Variants in DDC observed in about 807,000 individuals in gnomAD.
DDC encodes the protein dopa decarboxylase.
Under a neutral mutation model 60.0 loss-of-function variants are expected in DDC, and 43 were observed. That is an observed-to-expected ratio of 0.72 (90% CI 0.56 to 0.92). The LOEUF (loss-of-function observed/expected upper bound fraction) is 0.92. DDC is among the 40% of genes least tolerant of loss of function. The pLI is 0.00. For synonymous variants in DDC, 232 were observed against 234.6 expected (o/e 0.99, Z 0.10); for missense variants, 573 against 620.2 (o/e 0.92, Z 0.81).
At chr7:50,485,176 C>T (rs1298836631) in intron 9 of DDC, among the ~76,000 whole-genome samples, 1 of 152,054 alleles carries the variant, frequency 6.6e-6, no homozygotes, top group Non-Finnish European at 1.5e-5. Flanking sequence ...ATAATATATG[C>T]CTTTCGTGTG....
chr7:50,527,145 T>G (rs528004855), intron 6 of DDC, among the ~76,000 whole-genome samples: 1 of 152,346 alleles, frequency 6.6e-6, no homozygotes, highest in African/African-American at 2.4e-5. Context: ...TTTCGCATGT[T>G]TTCCCACTGG....
chr7:50,530,862 A>G (rs1227325412), intron 4 of DDC, among the ~76,000 whole-genome samples: 1 of 152,216 alleles, frequency 6.6e-6, no homozygotes, highest in Non-Finnish European at 1.5e-5. Context: ...AAAATAATTA[A>G]GTAGAAATGC....
rs11575454 is a variant in DDC, at chr7:50,480,115, G to C, written c.945-252C>G. 0.01 allele frequency among the ~76,000 whole-genome samples: 1,545 copies of C among 152,274 alleles called. 11 individuals are homozygous for C. Among genetic ancestry groups the C allele is most frequent in the Non-Finnish European group, 0.017 (1,165 of 68,014 alleles). Reference sequence around the variant, plus strand: ...ACCCTTGAGATCTCCTAGTGATAAGGGTTCATTTTGCATGTTAATAAGATA... The same window carrying C: ...ACCCTTGAGATCTCCTAGTGATAAGCGTTCATTTTGCATGTTAATAAGATA... On this transcript the variant is annotated intron_variant, in intron 9 of 14. Transcript: ENST00000444124.
intron 6 of DDC, among the ~76,000 whole-genome samples, chr7:50,519,219 C>T (rs965060469): frequency 1.3e-5 from 2 of 152,112 alleles, no homozygotes; most frequent in Non-Finnish European, 2.9e-5. Flanking sequence ...CAAGAATAGC[C>T]ATAATCAAAA....
At chr7:50,483,964 ATGT>A (rs1333937146) in intron 9 of DDC, among the ~76,000 whole-genome samples, 1 of 151,774 alleles carries the variant, frequency 6.6e-6, no homozygotes, top group Admixed American at 6.6e-5. Context: ...TACTATTGAC[ATGT>A]TGTATTAACA....
chr7:50,494,609 G>A (rs559583176), intron 9 of DDC, among the ~76,000 whole-genome samples: 2 of 151,632 alleles, frequency 1.3e-5, no homozygotes, highest in Non-Finnish European at 2.9e-5. Flanking sequence ...AAAAAGAGAG[G>A]AAGAAAAGAA....
intron 14 of DDC, chr7:50,459,758 C>T (rs369061112): frequency 0.058 from 9,144 of 158,252 alleles, 299 homozygotes; most frequent in East Asian, 0.12. Flanking sequence ...CGTCTCTGCC[C>T]GGCAGCCACC....
intron 4 of DDC, among the ~76,000 whole-genome samples, chr7:50,532,097 G>A (rs2044234357): frequency 6.6e-6 from 1 of 152,190 alleles, no homozygotes; most frequent in Non-Finnish European, 1.5e-5. Flanking sequence ...CTGCGCTGAC[G>A]CCCACAGCTG....
At chr7:50,512,661 G>A (rs2043612932) in intron 6 of DDC, among the ~76,000 whole-genome samples, 1 of 152,162 alleles carries the variant, frequency 6.6e-6, no homozygotes, top group African/African-American at 2.4e-5. Flanking sequence ...ATTGTTGATT[G>A]TTGATTACTG....
At chr7:50,476,715 C>A (rs770101908) in intron 10 of DDC, 72 bp from the exon 11 acceptor site, 75 of 1,401,858 alleles carry the variant, frequency 5.4e-5, no homozygotes, top group African/African-American at 7.1e-5. Flanking sequence ...TAATCCTTTT[C>A]ATTTTCCAGG....
chr7:50,518,310 A>G (rs2153543402), intron 6 of DDC, among the ~76,000 whole-genome samples: 1 of 152,236 alleles, frequency 6.6e-6, no homozygotes, highest in East Asian at 1.9e-4. Context: ...TGACCATACT[A>G]CCAAAAGCAA....
intron 14 of DDC, among the ~76,000 whole-genome samples, chr7:50,462,998 G>A (rs540926970): frequency 6.6e-5 from 10 of 152,268 alleles, no homozygotes; most frequent in Non-Finnish European, 5.9e-5. Flanking sequence ...TCAATCTCTT[G>A]ACCTCATGAT....
rs868305699 is a variant in DDC at position 50,460,331 on chromosome 7, C to T, written c.*19-1488G>A. 6.7e-3 allele frequency among the ~76,000 whole-genome samples: 951 copies of T among 141,592 alleles called. 2 individuals carry two copies. Among genetic ancestry groups the T allele is most frequent in the East Asian group, 0.013 (61 of 4,570 alleles). The allele number at this position is 141,592 out of a possible 152,430, so 92.9% of individuals were successfully genotyped here. A position where few individuals can be genotyped will look rare whatever the true frequency, so the allele number is the denominator to read the frequency against. Reference sequence around the variant, plus strand: ...CTGGGAAGTGAGGAGCCCCTCTGCCCGGCCAGCCGCCCCGTCCAGGAAGGA... The same window carrying T: ...CTGGGAAGTGAGGAGCCCCTCTGCCTGGCCAGCCGCCCCGTCCAGGAAGGA... On this transcript the variant is annotated intron_variant, in intron 14 of 14. Coordinates refer to ENST00000444124, the MANE Select transcript of DDC (RefSeq NM_001082971.2).
intron 7 of DDC, among the ~76,000 whole-genome samples, chr7:50,499,744 A>T (rs2043206776): frequency 6.6e-6 from 1 of 152,124 alleles, no homozygotes; most frequent in Non-Finnish European, 1.5e-5. Context: ...ATCTTAGACC[A>T]TCCCCTGCTT....
chr7:50,542,838 G>A (rs3807556), intron 2 of DDC: 29,829 of 152,210 alleles, frequency 0.2, 3,191 homozygotes, highest in East Asian at 0.4. Context: ...TGAGAGAGGC[G>A]CTCAGCTACT....
At chr7:50,512,652 T>C (rs2043612577) in intron 6 of DDC, among the ~76,000 whole-genome samples, 2 of 152,160 alleles carry the variant, frequency 1.3e-5, no homozygotes, top group Admixed American at 1.3e-4. Flanking sequence ...TGCACTTTGA[T>C]TGTTGATTGT....
chr7:50,510,379 T>C (rs956168632), intron 6 of DDC, among the ~76,000 whole-genome samples: 1 of 152,000 alleles, frequency 6.6e-6, no homozygotes, highest in Non-Finnish European at 1.5e-5. Context: ...CAAGAAAGAA[T>C]GTAAGTAGGC....
intron 1 of DDC, among the ~76,000 whole-genome samples, chr7:50,562,964 C>A (rs972923780): frequency 1.3e-5 from 2 of 152,070 alleles, no homozygotes; most frequent in Admixed American, 6.6e-5. Context: ...GTCAGGAGTT[C>A]GAGACCACCC....
chr7:50,525,534 C>G (rs2044014036), intron 6 of DDC, among the ~76,000 whole-genome samples: 1 of 152,142 alleles, frequency 6.6e-6, no homozygotes, highest in African/African-American at 2.4e-5. Flanking sequence ...AAGGCCGAGG[C>G]AGGCAGATCA....
Sources: gnomAD v4.1 joint callset for allele counts (sites outside exome capture counted in the v4.1 genomes callset) on GRCh38, gnomAD v4.1.1 for gene constraint, MANE v1.5 for transcripts, NCBI Gene and HGNC (gene_info 2026-07-23, HGNC 2026-07-21) for gene names.